Variants in HSD17B3 observed in about 807,000 individuals in gnomAD.
HSD17B3 encodes the protein 17-beta-hydroxysteroid dehydrogenase type 3.
Under a neutral mutation model 41.1 loss-of-function variants are expected in HSD17B3, and 29 were observed. The ratio of observed to expected loss-of-function variants is 0.71; its 90% confidence interval spans 0.53 to 0.96. HSD17B3 has a LOEUF of 0.96. Among genes scored for constraint, HSD17B3 ranks in the 40% least tolerant of loss-of-function variants. The probability of loss-of-function intolerance (pLI) is 0.00; values close to 1 mark genes in which losing one functional copy is unlikely to be tolerated. For synonymous variants in HSD17B3, 126 were observed against 145.6 expected (o/e 0.87, Z 0.97); for missense variants, 323 against 374.6 (o/e 0.86, Z 1.14).
intron 2 of HSD17B3, among the ~76,000 whole-genome samples, chr9:96,295,109 C>T (rs761187619): frequency 1.0e-4 from 15 of 147,304 alleles, no homozygotes; most frequent in Middle Eastern, 3.5e-3. Flanking sequence ...TGGGTTCAAG[C>T]GATTCTCCTG....
intron 9 of HSD17B3, 114 bp downstream of exon 9, chr9:96,244,215 C>A: frequency 9.7e-7 from 1 of 1,029,952 alleles, no homozygotes; most frequent in Non-Finnish European, 1.5e-6. Context: ...AGCAGCCAGA[C>A]CCACAGGAGG....
chr9:96,261,031 A>G (rs1465526912), intron 2 of HSD17B3, among the ~76,000 whole-genome samples: 3 of 152,142 alleles, frequency 2.0e-5, no homozygotes, highest in Non-Finnish European at 4.4e-5. Context: ...GAATTAGTTC[A>G]TATAGGATAG....
At chr9:96,296,590 G>C (rs1269310510) in intron 2 of HSD17B3, among the ~76,000 whole-genome samples, 2 of 151,910 alleles carry the variant, frequency 1.3e-5, no homozygotes, top group Non-Finnish European at 2.9e-5. Context: ...CAAGAAAATA[G>C]CTCCCAAAAT....
At chr9:96,286,309 G>A (rs374397370) in intron 2 of HSD17B3, among the ~76,000 whole-genome samples, 85 of 150,610 alleles carry the variant, frequency 5.6e-4, no homozygotes, top group African/African-American at 1.2e-3. Flanking sequence ...ACACCACTGC[G>A]CTCTAGCCTA....
chr9:96,290,861 A>G (rs915424431), intron 2 of HSD17B3, among the ~76,000 whole-genome samples: 1 of 152,070 alleles, frequency 6.6e-6, no homozygotes, highest in Non-Finnish European at 1.5e-5. Flanking sequence ...CAAAAAAAAA[A>G]AGTCTCAACA....
intron 10 of HSD17B3, among the ~76,000 whole-genome samples, chr9:96,236,223 A>G (rs1410664638): frequency 6.6e-6 from 1 of 151,464 alleles, no homozygotes; most frequent in Non-Finnish European, 1.5e-5. Flanking sequence ...TTCTGTTAAA[A>G]TGAGGATCCT....
intron 7 of HSD17B3, 21 bp downstream of exon 7, chr9:96,246,535 C>T (rs35962525): frequency 6.2e-7 from 1 of 1,613,428 alleles, no homozygotes; most frequent in African/African-American, 1.3e-5. Flanking sequence ...TTGCTCCACA[C>T]TTTTTTGAAG....
chr9:96,240,812 C>G lies in HSD17B3; in HGVS notation c.768G>C (p.Leu256Phe), dbSNP rs779865495. ...KTADEFVKESLNYVTIGGETC... is the reference protein window; with the variant it reads ...KTADEFVKESFNYVTIGGETC... Reference sequence around the variant, plus strand: ...TTTCACCTCCAATTGTGACATAATTCAATGACTCTTTGACAAACTCATCAG... The same window carrying G: ...TTTCACCTCCAATTGTGACATAATTGAATGACTCTTTGACAAACTCATCAG... The change falls in exon 10 of 11, where the codon TTG (leucine) becomes TTC (phenylalanine). Residue 256 changes from leucine to phenylalanine, a missense_variant. Physicochemically the swap from Leu to Phe is conservative, Grantham distance 22. Transcript: ENST00000375263. The G allele has an allele frequency of 6.3e-5, 102 of 1,614,100 alleles. No individual in the cohort carries two copies. Among genetic ancestry groups the G allele is most frequent in the Non-Finnish European group, 8.5e-5 (100 of 1,180,042 alleles).
intron 2 of HSD17B3, among the ~76,000 whole-genome samples, chr9:96,271,239 C>A (rs1826235272): frequency 6.6e-6 from 1 of 152,088 alleles, no homozygotes; most frequent in Non-Finnish European, 1.5e-5. Context: ...CATCTGTGTG[C>A]CTTTGCTGTG....
At chr9:96,281,287 A>G (rs1029943690) in intron 2 of HSD17B3, among the ~76,000 whole-genome samples, 1 of 152,074 alleles carries the variant, frequency 6.6e-6, no homozygotes, top group African/African-American at 2.4e-5. Context: ...AGAAGCCCCA[A>G]TACTAAAGAA....
chr9:96,250,653 G>A (rs890275455), intron 5 of HSD17B3, among the ~76,000 whole-genome samples: 2 of 152,086 alleles, frequency 1.3e-5, no homozygotes, highest in South Asian at 4.1e-4. Flanking sequence ...TTGGGAGGCC[G>A]AGCCAGGTGG....
At chr9:96,246,727 G>T in intron 6 of HSD17B3, 137 bp from the exon 7 acceptor site, 2 of 782,788 alleles carry the variant, frequency 2.6e-6, no homozygotes, top group Non-Finnish European at 2.2e-6. Flanking sequence ...AAAATTGCTG[G>T]CACTCATTGG....
At chr9:96,253,023 C>T in intron 3 of HSD17B3, 113 bp from the exon 4 acceptor site, 1 of 760,462 alleles carries the variant, frequency 1.3e-6, no homozygotes, top group Non-Finnish European at 2.4e-6. Flanking sequence ...GAGGACAGCC[C>T]ATTGCCCCAA....
At chr9:96,249,489 A>C (rs1564028561) in intron 6 of HSD17B3, 1 of 513,262 alleles carries the variant, frequency 1.9e-6, no homozygotes, top group Non-Finnish European at 3.5e-6. Flanking sequence ...TTTCAGCATC[A>C]TCGAGCTTAG....
intron 2 of HSD17B3, among the ~76,000 whole-genome samples, chr9:96,284,862 G>A (rs916340847): frequency 4.2e-5 from 6 of 143,094 alleles, no homozygotes; most frequent in South Asian, 2.2e-4. Context: ...TTTTTGAAAC[G>A]GAGTCTTGCT....
chr9:96,253,812 T>C (rs1276734692), intron 3 of HSD17B3, among the ~76,000 whole-genome samples: 1 of 152,158 alleles, frequency 6.6e-6, no homozygotes, highest in Non-Finnish European at 1.5e-5. Context: ...CATTTCAGCA[T>C]TGTGAGGCAA....
chr9:96,267,512 C>T (rs959816002), intron 2 of HSD17B3, among the ~76,000 whole-genome samples: 2 of 151,830 alleles, frequency 1.3e-5, no homozygotes, highest in Non-Finnish European at 1.5e-5. Flanking sequence ...GAAGCTACTA[C>T]GTCTATGAAA....
intron 2 of HSD17B3, among the ~76,000 whole-genome samples, chr9:96,255,970 T>TG (rs1368381301): frequency 2.6e-5 from 4 of 152,184 alleles, no homozygotes; most frequent in Middle Eastern, 3.2e-3. Flanking sequence ...CGTGGAGCGC[T>TG]GGGGGGTCAC....
At chr9:96,299,160 C>T (rs1267463465) in intron 1 of HSD17B3, among the ~76,000 whole-genome samples, 3 of 152,158 alleles carry the variant, frequency 2.0e-5, no homozygotes, top group Admixed American at 6.6e-5. Context: ...TTCGTGAGAA[C>T]GTCACAATTT....
Sources: allele counts gnomAD v4.1 joint callset (sites outside exome capture counted in the v4.1 genomes callset), GRCh38; gene constraint gnomAD v4.1.1; transcripts MANE v1.5; gene names NCBI Gene and HGNC (gene_info 2026-07-23, HGNC 2026-07-21).